Variants in UHRF2 observed in about 807,000 individuals in gnomAD.
UHRF2 encodes the protein ubiquitin like with PHD and ring finger domains 2, also known as E3 ubiquitin-protein ligase UHRF2.
UHRF2 carries 23 observed loss-of-function variants against 96.8 expected under a neutral mutation model. The ratio of observed to expected loss-of-function variants is 0.24; its 90% CI spans 0.17 to 0.34. UHRF2 has a LOEUF of 0.34. Among genes scored for constraint, UHRF2 ranks in the 10% least tolerant of loss-of-function variants. The pLI is 1.00. For missense variants in UHRF2, 685 were observed against 981.5 expected (o/e 0.70, Z 4.04); for synonymous variants, 385 against 332.6 (o/e 1.16, Z -1.72).
intron 2 of UHRF2, among the ~76,000 whole-genome samples, chr9:6,433,272 C>G (rs1161866161): frequency 2.0e-5 from 3 of 152,204 alleles, no homozygotes; most frequent in Non-Finnish European, 2.9e-5. Flanking sequence ...GGATCAGCCA[C>G]TGGAATTGAC....
intron 2 of UHRF2, among the ~76,000 whole-genome samples, chr9:6,430,791 C>T (rs1485054405): frequency 6.6e-6 from 1 of 152,176 alleles, no homozygotes. Context: ...CTAATTTTCC[C>T]CTGTTCCCTC....
At chr9:6,450,662 T>A (rs746518896) in intron 3 of UHRF2, among the ~76,000 whole-genome samples, 1 of 152,192 alleles carries the variant, frequency 6.6e-6, no homozygotes, top group Non-Finnish European at 1.5e-5. Context: ...TTTTAAGTAT[T>A]ATTATGAACT....
At chr9:6,473,000 A>G (rs945354699) in intron 4 of UHRF2, among the ~76,000 whole-genome samples, 38 of 152,238 alleles carry the variant, frequency 2.5e-4, no homozygotes, top group African/African-American at 8.2e-4. Context: ...TTTAAAATGT[A>G]TAGGGTACAA....
intron 9 of UHRF2, 139 bp downstream of exon 9, chr9:6,487,064 A>G: frequency 2.8e-6 from 2 of 720,044 alleles, no homozygotes; most frequent in African/African-American, 1.8e-5. Context: ...TATACAAGTT[A>G]GAAAGTAAAT....
chr9:6,505,936 C>A, intron 15 of UHRF2, 97 bp from the exon 16 acceptor site: 1 of 1,266,816 alleles, frequency 7.9e-7, no homozygotes, highest in South Asian at 1.4e-5. Flanking sequence ...ACATTTCTCT[C>A]ATTACCAGTT....
chr9:6,455,072 A>T (rs2130829788), intron 3 of UHRF2, among the ~76,000 whole-genome samples: 1 of 152,358 alleles, frequency 6.6e-6, no homozygotes, highest in East Asian at 1.9e-4. Context: ...AGTAAGAACC[A>T]GATGTTACTC....
At chr9:6,419,910 T>C (rs997044596) in intron 1 of UHRF2, among the ~76,000 whole-genome samples, 1 of 151,940 alleles carries the variant, frequency 6.6e-6, no homozygotes, top group East Asian at 1.9e-4. Flanking sequence ...CGGCTACGTT[T>C]TTTTATTTAT....
chr9:6,477,368 A>C (rs1823643403), intron 5 of UHRF2, among the ~76,000 whole-genome samples: 1 of 151,978 alleles, frequency 6.6e-6, no homozygotes. Context: ...CTACTAAAAA[A>C]TAAAAAAATT....
At position 6,506,183 on chromosome 9, in the gene UHRF2, G is replaced by C. The variant is rs925935089; in HGVS notation, c.*4G>C. The C allele has an allele frequency of 2.5e-6, 4 of 1,613,702 alleles. No individual in the cohort carries two copies. In the African/African-American group the frequency reaches 4.0e-5, roughly 16 times the overall value. ...TGGCTACAGCAAAGGACGATGATCT[G>C]CCTGCTTTCACTGTGTTGTTCATGG... On this transcript the variant is annotated 3_prime_UTR_variant, in exon 16 of 16. Transcript: ENST00000276893.
chr9:6,489,628 C>T (rs1209449381), intron 9 of UHRF2, among the ~76,000 whole-genome samples: 1 of 151,246 alleles, frequency 6.6e-6, no homozygotes, highest in South Asian at 2.1e-4. Context: ...GTGTTGATAT[C>T]TTATTGTTGG....
At chr9:6,492,361 G>T in intron 9 of UHRF2, 3 of 1,214,392 alleles carry the variant, frequency 2.5e-6, no homozygotes, top group Non-Finnish European at 3.2e-6. Flanking sequence ...GTGGAAGACT[G>T]GTTTTGATCA....
At chr9:6,473,985 A>G (rs1334480725) in intron 4 of UHRF2, among the ~76,000 whole-genome samples, 1 of 152,208 alleles carries the variant, frequency 6.6e-6, no homozygotes, top group African/African-American at 2.4e-5. Context: ...GAGGAAAGAG[A>G]TGGCATGTGA....
At chr9:6,425,563 T>G (rs1170386102) in intron 2 of UHRF2, among the ~76,000 whole-genome samples, 1 of 151,414 alleles carries the variant, frequency 6.6e-6, no homozygotes, top group Admixed American at 6.6e-5. Flanking sequence ...GAGATCAGCC[T>G]GGTGAACATG....
At chr9:6,467,293 C>T (rs866517555) in intron 4 of UHRF2, among the ~76,000 whole-genome samples, 1 of 152,176 alleles carries the variant, frequency 6.6e-6, no homozygotes. Context: ...CTTTTTGTGG[C>T]TACATCCCCT....
chr9:6,416,686 C>A (rs892119508), intron 1 of UHRF2, among the ~76,000 whole-genome samples: 12 of 151,968 alleles, frequency 7.9e-5, no homozygotes, highest in Non-Finnish European at 1.6e-4. Flanking sequence ...ACTACAGGCG[C>A]CCGCCACTGC....
chr9:6,495,070 A>C (rs1189792819), intron 10 of UHRF2: 1 of 152,192 alleles, frequency 6.6e-6, no homozygotes, highest in Non-Finnish European at 1.5e-5. Context: ...ATGAAAATGT[A>C]TCTCAAATTT....
At chr9:6,463,503 C>A (rs1204820060) in intron 4 of UHRF2, among the ~76,000 whole-genome samples, 1 of 150,750 alleles carries the variant, frequency 6.6e-6, no homozygotes, top group Non-Finnish European at 1.5e-5. Flanking sequence ...TGGGGTCTCG[C>A]TCTGTTGCCC....
At chr9:6,450,404 A>C (rs1821788384) in intron 3 of UHRF2, among the ~76,000 whole-genome samples, 1 of 149,004 alleles carries the variant, frequency 6.7e-6, no homozygotes, top group Admixed American at 6.9e-5. Flanking sequence ...TATTTGACAC[A>C]TTCTTCTGTT....
intron 8 of UHRF2, among the ~76,000 whole-genome samples, chr9:6,485,884 G>A (rs1028579668): frequency 1.3e-5 from 2 of 151,474 alleles, no homozygotes; most frequent in Non-Finnish European, 2.9e-5. Context: ...CTTTTTCAGG[G>A]AGTTTGAAGT....
Sources: gnomAD v4.1 joint callset for allele counts (sites outside exome capture counted in the v4.1 genomes callset) on GRCh38, gnomAD v4.1.1 for gene constraint, MANE v1.5 for transcripts, NCBI Gene and HGNC (gene_info 2026-07-23, HGNC 2026-07-21) for gene names.